NLRP14: variants seen among roughly 807,000 people sequenced by gnomAD.
NLRP14 encodes NLR family pyrin domain containing 14, also known as NACHT, LRR and PYD domains-containing protein 14.
Under a neutral mutation model 94.7 loss-of-function variants are expected in NLRP14, and 105 were observed. The ratio of observed to expected loss-of-function variants is 1.11; its 90% CI spans 0.95 to 1.30. NLRP14 has a LOEUF of 1.30. Among genes scored for constraint, NLRP14 ranks in the 50% most tolerant of loss-of-function variants. NLRP14 has a pLI of 0.00. For synonymous variants in NLRP14, 508 were observed against 459.9 expected, an observed-to-expected ratio of 1.10 and a Z score of -1.34; for missense variants, 1,362 against 1,254.1, an observed-to-expected ratio of 1.09 and a Z score of -1.30.
At chr11:7,075,208 T>A (rs1446180612), downstream of NLRP14, among the ~76,000 whole-genome samples, 2 of 152,194 alleles carry the variant, frequency 1.3e-5, no homozygotes, top group African/African-American at 4.8e-5. Flanking sequence ...TTCAGTCAGT[T>A]GGGGACTTTG....
chr11:7,077,353 C>G, the NLRP14 span, among the ~76,000 whole-genome samples: 2 of 152,262 alleles, frequency 1.3e-5, no homozygotes, highest in Non-Finnish European at 1.5e-5. Context: ...TCCTTTAGTT[C>G]TGAGTTCTTT....
At chr11:7,051,309 G>T (rs1384108137) in intron 6 of NLRP14, among the ~76,000 whole-genome samples, 2 of 152,190 alleles carry the variant, frequency 1.3e-5, no homozygotes, top group African/African-American at 4.8e-5. Context: ...TGTGGGAGAA[G>T]GTCCAGTTTT....
At chr11:7,083,423 A>G in the NLRP14 span, among the ~76,000 whole-genome samples, 2 of 152,258 alleles carry the variant, frequency 1.3e-5, no homozygotes, top group South Asian at 2.1e-4. Flanking sequence ...AATTGATGCA[A>G]TATCTTCTAT....
the NLRP14 span, chr11:7,090,061 A>G: frequency 1.2e-6 from 2 of 1,612,610 alleles, no homozygotes; most frequent in South Asian, 1.1e-5. Flanking sequence ...TACCGGGGCT[A>G]CTCACCCGAT....
Position 7,060,083 on chromosome 11 carries a change from T to TA in NLRP14, c.2804+20dup, listed in dbSNP as rs1336972727. ...ACTTGGAGTAGGTTTTCTGTTGCTT[T>TA]ACTTTTGTGTAGTTTCAACAACAGA... On this transcript the variant is annotated intron_variant, in intron 9 of 11. Coordinates refer to ENST00000299481, the MANE Select transcript of NLRP14 (RefSeq NM_176822.4). 1.9e-6 allele frequency: 3 copies of TA among 1,607,444 alleles called. No homozygotes were observed. The African/African-American group carries it at 4.0e-5, about 21-fold the overall frequency.
chr11:7,049,837 A>G lies in NLRP14; in HGVS notation c.2290A>G (p.Arg764Gly). The G allele has an allele frequency of 6.2e-7, 1 of 1,611,364 alleles. No homozygotes were observed. Among genetic ancestry groups the G allele is most frequent in the Non-Finnish European group, 8.5e-7 (1 of 1,177,528 alleles). ...KHPECKLQTL[R>G]LESCNLTVFC... ...CCCAGAGTGTAAACTACAGACTCTCAGGTAAGCTTTGAATTGTTTTGTCTT... is the reference window on the plus strand; with the variant it reads ...CCCAGAGTGTAAACTACAGACTCTCGGGTAAGCTTTGAATTGTTTTGTCTT... Residue 764 changes from arginine to glycine, a missense_variant and splice_region_variant, in exon 6 of 12, where the codon AGG becomes GGG. Coordinates refer to ENST00000299481, the MANE Select transcript of NLRP14 (RefSeq NM_176822.4).
chr11:7,071,163 G>T lies in NLRP14; in HGVS notation c.3147-10G>T. 6.2e-7 allele frequency: 1 copy of T among 1,613,920 alleles called. No homozygotes were observed. The highest frequency in any genetic ancestry group is 1.1e-5 in the South Asian group (1 of 91,060). On this transcript the variant is annotated splice_polypyrimidine_tract_variant and intron_variant, in intron 11 of 11. Transcript: ENST00000299481. ...AATGCAGGAAAAGAGATGTTCCCTT[G>T]TTTTCTCAGGTTGTGCAAAGAGGCA...
the NLRP14 span, among the ~76,000 whole-genome samples, chr11:7,083,827 A>G: frequency 6.6e-6 from 1 of 152,232 alleles, no homozygotes. Context: ...GTTGGGTACC[A>G]ATGTGTTCTA....
chr11:7,087,450 G>C, the NLRP14 span, among the ~76,000 whole-genome samples: 2 of 152,182 alleles, frequency 1.3e-5, no homozygotes, highest in African/African-American at 4.8e-5. Flanking sequence ...CCTCAGTGTG[G>C]CTATCTGGTC....
At position 7,071,308 on chromosome 11, in the gene NLRP14, A is replaced by AT; in HGVS notation, c.*3dup. The AT allele has an allele frequency of 6.2e-7, 1 of 1,611,056 alleles. No individual in the cohort carries two copies. The highest frequency in any genetic ancestry group is 8.5e-7 in the Non-Finnish European group (1 of 1,177,554). ...ATGTGTCTTGGTGGTGGTGTTTCTG[A>AT]TTTGAAGAAACTGACATTCCTTTAA... is the stretch of plus-strand genomic sequence containing the variant. On this transcript the variant is annotated 3_prime_UTR_variant, in exon 12 of 12. Coordinates refer to ENST00000299481, the MANE Select transcript of NLRP14 (RefSeq NM_176822.4).
chr11:7,077,549 T>G, the NLRP14 span, among the ~76,000 whole-genome samples: 2 of 152,224 alleles, frequency 1.3e-5, no homozygotes, highest in Admixed American at 1.3e-4. Context: ...GGTGTATTAG[T>G]CCGTTTTCAG....
chr11:7,083,057 G>A, the NLRP14 span, among the ~76,000 whole-genome samples: 6 of 152,194 alleles, frequency 3.9e-5, no homozygotes, highest in African/African-American at 4.8e-5. Context: ...GAAGTGGCAC[G>A]GGGAAGAAAG....
chr11:7,074,557 G>A (rs1224933935), downstream of NLRP14, among the ~76,000 whole-genome samples: 1 of 152,188 alleles, frequency 6.6e-6, no homozygotes, highest in South Asian at 2.1e-4. Context: ...CTACCAGACT[G>A]TCAGAAAAAG....
At chr11:7,048,561 TCA>T (rs1183368994) in intron 5 of NLRP14, among the ~76,000 whole-genome samples, 1 of 152,144 alleles carries the variant, frequency 6.6e-6, no homozygotes, top group Non-Finnish European at 1.5e-5. Flanking sequence ...CCTCCTGATC[TCA>T]GTGTTTTTAG....
At chr11:7,051,673 G>T (rs749322430) in intron 6 of NLRP14, among the ~76,000 whole-genome samples, 9 of 152,204 alleles carry the variant, frequency 5.9e-5, no homozygotes, top group Non-Finnish European at 1.0e-4. Context: ...CTGGAGTGCA[G>T]TGGTGCGATC....
At chr11:7,055,933 G>A (rs1170810884) in intron 6 of NLRP14, among the ~76,000 whole-genome samples, 1 of 151,980 alleles carries the variant, frequency 6.6e-6, no homozygotes, top group East Asian at 1.9e-4. Flanking sequence ...CTCTTAAGAA[G>A]GAACTAAATA....
In NLRP14 at chr11:7,063,856, T is replaced by C. The variant is rs183019815; in HGVS notation, c.2975+1353T>C. Among the ~76,000 whole-genome samples the C allele has an allele frequency of 5.0e-4, 76 of 152,142 alleles. No individual in the cohort carries two copies. In the East Asian group the frequency reaches 0.014, roughly 28 times the overall value. On this transcript the variant is annotated intron_variant, in intron 10 of 11. Transcript: ENST00000299481. ...GTAAGTCCCAGGAAGGACTACTAGG[T>C]CTTTTATGCTTTAGAACCCATACAA... is the stretch of plus-strand genomic sequence containing the variant.
chr11:7,042,516 C>G lies in NLRP14; in HGVS notation c.490C>G (p.His164Asp). Residue 164 changes from histidine to aspartate, a missense_variant, in exon 4 of 12, where the codon CAC becomes GAC. Coordinates refer to ENST00000299481, the MANE Select transcript of NLRP14 (RefSeq NM_176822.4). ...IAEKDRKLLEHLFDVDVKTGA... is the reference protein window; with the variant it reads ...IAEKDRKLLEDLFDVDVKTGA... ...AGAGAAAGATAGAAAACTGTTGGAA[C>G]ACTTGTTCGATGTGGATGTCAAAAC... The G allele has an allele frequency of 6.2e-7, 1 of 1,614,180 alleles. No homozygotes were observed. The highest frequency in any genetic ancestry group is 8.5e-7 in the Non-Finnish European group (1 of 1,179,986).
Position 7,043,872 on chromosome 11 carries a change from C to T in NLRP14, c.1846C>T (p.Leu616Phe), listed in dbSNP as rs1325207734. 6.2e-6 allele frequency: 10 copies of T among 1,613,908 alleles called. No homozygotes were observed. The highest frequency in any genetic ancestry group is 8.5e-6 in the Non-Finnish European group (10 of 1,179,890). The change falls in exon 4 of 12, where the codon CTT (leucine) becomes TTT (phenylalanine). Residue 616 changes from leucine (L) to phenylalanine (F), a missense_variant. Physicochemically the swap from Leu to Phe is conservative, Grantham distance 22. Coordinates refer to ENST00000299481, the MANE Select transcript of NLRP14 (RefSeq NM_176822.4). Reference sequence around the variant, plus strand: ...TAATATTTGTGAGAAAATACATTTGCTTGTATCTTCTTTCTGCCTTAAGCA... The same window carrying T: ...TAATATTTGTGAGAAAATACATTTGTTTGTATCTTCTTTCTGCCTTAAGCA... ...AINICEKIHL[L>F]VSSFCLKHCR...
Sources: gnomAD v4.1 joint callset for allele counts (sites outside exome capture counted in the v4.1 genomes callset) on GRCh38, gnomAD v4.1.1 for gene constraint, MANE v1.5 for transcripts, NCBI Gene and HGNC (gene_info 2026-07-23, HGNC 2026-07-21) for gene names.